The following SLC8A1 variants were observed in gnomAD, a reference collection of about 807,000 sequenced individuals.
SLC8A1 encodes the protein solute carrier family 8 member A1.
A neutral mutation model predicts 68.3 loss-of-function variants in SLC8A1; 18 were observed. That is an observed-to-expected ratio of 0.26 (90% CI 0.18 to 0.39). The LOEUF is 0.39. Among genes scored for constraint, SLC8A1 ranks in the 10% least tolerant of loss-of-function variants. SLC8A1 has a pLI of 1.00. For missense variants in SLC8A1, 985 were observed against 1,156.7 expected (o/e 0.85, Z 2.15); for synonymous variants, 475 against 415.5 (o/e 1.14, Z -1.74).
exon 8 of SLC8A1, chr2:40,114,146 TTTTA>T (rs1216737340): frequency 6.5e-6 from 1 of 152,766 alleles, no homozygotes; most frequent in African/African-American, 2.4e-5. Flanking sequence ...CTTTGTTTTG[TTTTA>T]TTTGTTTTTC....
intron 2 of SLC8A1, among the ~76,000 whole-genome samples, chr2:40,389,070 T>G (rs1311464394): frequency 1.3e-5 from 2 of 148,200 alleles, no homozygotes; most frequent in East Asian, 1.9e-4. Flanking sequence ...GGCTATATAT[T>G]TTTTGCAGGT....
intron 2 of SLC8A1, among the ~76,000 whole-genome samples, chr2:40,311,342 C>T (rs566209602): frequency 6.6e-6 from 1 of 151,604 alleles, no homozygotes; most frequent in Non-Finnish European, 1.5e-5. Context: ...CTTCTAGCAT[C>T]ATTGTATAGA....
At chr2:40,377,274 A>C (rs1680199076) in intron 2 of SLC8A1, among the ~76,000 whole-genome samples, 1 of 151,968 alleles carries the variant, frequency 6.6e-6, no homozygotes, top group Non-Finnish European at 1.5e-5. Flanking sequence ...GATTCGAGAA[A>C]GTGAATTTTG....
At chr2:40,495,667 T>C (rs1705649329) in intron 1 of SLC8A1, among the ~76,000 whole-genome samples, 1 of 152,062 alleles carries the variant, frequency 6.6e-6, no homozygotes, top group Admixed American at 6.6e-5. Flanking sequence ...TAAGAGGTCA[T>C]TCCAGTGGTT....
intron 2 of SLC8A1, among the ~76,000 whole-genome samples, chr2:40,272,167 C>G (rs760097334): frequency 7.9e-5 from 12 of 152,172 alleles, no homozygotes; most frequent in Non-Finnish European, 1.8e-4. Flanking sequence ...TGCACCTGGC[C>G]AAAACTTATT....
intron 2 of SLC8A1, among the ~76,000 whole-genome samples, chr2:40,385,148 C>T (rs1323380686): frequency 1.3e-5 from 2 of 151,980 alleles, no homozygotes; most frequent in African/African-American, 2.4e-5. Flanking sequence ...GCAAATAGTA[C>T]GGTCATTAAT....
intron 2 of SLC8A1, among the ~76,000 whole-genome samples, chr2:40,186,970 CTATTAT>C (rs778393046): frequency 6.6e-6 from 1 of 152,120 alleles, no homozygotes; most frequent in Non-Finnish European, 1.5e-5. Flanking sequence ...ATGTTAGGTA[CTATTAT>C]TCTTATTAGT....
At chr2:40,433,782 G>A (rs548025197) in intron 1 of SLC8A1, among the ~76,000 whole-genome samples, 32 of 152,162 alleles carry the variant, frequency 2.1e-4, no homozygotes, top group Non-Finnish European at 4.3e-4. Flanking sequence ...CCCTGATAGT[G>A]TGTGAAGTAA....
chr2:40,142,371 CAT>C (rs2041737241), intron 6 of SLC8A1, among the ~76,000 whole-genome samples: 1 of 113,002 alleles, frequency 8.8e-6, no homozygotes, highest in Non-Finnish European at 1.9e-5. Context: ...GAGAAGGGTG[CAT>C]ATACTCAGAA....
At chr2:40,255,780 G>A (rs1236227220) in intron 2 of SLC8A1, among the ~76,000 whole-genome samples, 1 of 152,110 alleles carries the variant, frequency 6.6e-6, no homozygotes, top group East Asian at 1.9e-4. Flanking sequence ...TATCTATGAG[G>A]CAAGGCTTGT....
chr2:40,123,854 A>G (rs907654304), intron 7 of SLC8A1, among the ~76,000 whole-genome samples: 4 of 152,240 alleles, frequency 2.6e-5, no homozygotes, highest in Non-Finnish European at 5.9e-5. Flanking sequence ...TTGTTATTAT[A>G]TAGATATAAC....
intron 2 of SLC8A1, among the ~76,000 whole-genome samples, chr2:40,370,060 T>C (rs552404940): frequency 1.3e-5 from 2 of 152,228 alleles, no homozygotes; most frequent in Admixed American, 6.5e-5. Context: ...GCAAACACAA[T>C]ACAGGGAGAC....
chr2:40,164,385 T>C (rs528912217), intron 5 of SLC8A1, among the ~76,000 whole-genome samples: 47 of 152,320 alleles, frequency 3.1e-4, no homozygotes, highest in Non-Finnish European at 5.1e-4. Context: ...TGATTAAATA[T>C]AAATGAGAGC....
At chr2:40,345,452 A>T (rs1164859315) in intron 2 of SLC8A1, among the ~76,000 whole-genome samples, 3 of 152,148 alleles carry the variant, frequency 2.0e-5, no homozygotes, top group Admixed American at 2.0e-4. Context: ...GCTCAAGAAG[A>T]TTGTCAGAAC....
intron 6 of SLC8A1, 145 bp downstream of exon 9, chr2:40,160,620 C>T: frequency 1.5e-6 from 1 of 683,886 alleles, no homozygotes; most frequent in East Asian, 2.7e-5. Flanking sequence ...TTAAAATGTG[C>T]ATACATTAAC....
chr2:40,415,647 T>C (rs1345271016), intron 2 of SLC8A1, among the ~76,000 whole-genome samples: 3 of 152,008 alleles, frequency 2.0e-5, no homozygotes, highest in Non-Finnish European at 2.9e-5. Flanking sequence ...TGCAAAGTCT[T>C]TCATTTCAAA....
chr2:40,429,311 G>C (rs2149784972), exon 2 of SLC8A1: 1 of 1,613,654 alleles, frequency 6.2e-7, no homozygotes, highest in Non-Finnish European at 8.5e-7. Flanking sequence ...GCCATTTCTC[G>C]CCTAGCTTCT....
At chr2:40,155,534 C>T (rs763087553) in intron 6 of SLC8A1, among the ~76,000 whole-genome samples, 3 of 152,104 alleles carry the variant, frequency 2.0e-5, no homozygotes, top group Non-Finnish European at 2.9e-5. Context: ...CAATAACAGA[C>T]GAGATGCTGA....
At chr2:40,315,541 A>C (rs992354089) in intron 2 of SLC8A1, among the ~76,000 whole-genome samples, 3 of 150,520 alleles carry the variant, frequency 2.0e-5, no homozygotes, top group Non-Finnish European at 4.4e-5. Flanking sequence ...ACTAGCGTTT[A>C]AAAAGGGAAA....
Sources: gnomAD v4.1 joint callset for allele counts (sites outside exome capture counted in the v4.1 genomes callset) on GRCh38, gnomAD v4.1.1 for gene constraint, MANE v1.5 for transcripts, NCBI Gene and HGNC (gene_info 2026-07-23, HGNC 2026-07-21) for gene names.